MMP20: variants seen among roughly 807,000 people sequenced by gnomAD.
The protein encoded by MMP20 is matrix metalloproteinase-20.
Under a neutral mutation model 51.8 loss-of-function variants are expected in MMP20, and 50 were observed. The observed-to-expected ratio is 0.97, with a 90% CI of 0.77 to 1.22. The LOEUF (loss-of-function observed/expected upper bound fraction) is 1.22. MMP20 is among the 50% of genes most tolerant of loss of function. MMP20 has a pLI of 0.00. For synonymous variants in MMP20, 244 were observed against 216.2 expected, an observed-to-expected ratio of 1.13 and a Z score of -1.13; for missense variants, 663 against 601.4, an observed-to-expected ratio of 1.10 and a Z score of -1.07.
At chr11:102,592,042 C>T (rs1475995082) in intron 8 of MMP20, among the ~76,000 whole-genome samples, 1 of 152,186 alleles carries the variant, frequency 6.6e-6, no homozygotes, top group African/African-American at 2.4e-5. Flanking sequence ...TAAACGCCCT[C>T]ATACTCCAAC....
intron 6 of MMP20, among the ~76,000 whole-genome samples, chr11:102,602,431 C>G (rs1390986362): frequency 6.6e-6 from 1 of 152,074 alleles, no homozygotes; most frequent in African/African-American, 2.4e-5. Context: ...TGAACATCCT[C>G]CTCTTTGTGG....
At chr11:102,610,913 G>T (rs192936679) in intron 3 of MMP20, among the ~76,000 whole-genome samples, 2 of 152,284 alleles carry the variant, frequency 1.3e-5, no homozygotes, top group African/African-American at 4.8e-5. Context: ...CAGACTGTAA[G>T]CTTGAAAGAT....
rs1471243885 is a variant in MMP20 at position 102,579,209 on chromosome 11, A to G, written c.1248-67T>C. ...TTTTACTGGTTGTAGATGACACTAT[A>G]CTGGTCAGGCATATGGACACATAAC... On this transcript the variant is annotated intron_variant, in intron 8 of 9. Coordinates refer to ENST00000260228, the MANE Select transcript of MMP20 (RefSeq NM_004771.4). The G allele has an allele frequency of 1.3e-5, 14 of 1,085,502 alleles. No individual in the cohort carries two copies. In the Admixed American group the frequency reaches 2.6e-4, roughly 20 times the overall value. The allele number at this position is 1,085,502 out of a possible 1,614,324, so 67.2% of individuals were successfully genotyped here. A position where few individuals can be genotyped will look rare whatever the true frequency, so the allele number is the denominator to read the frequency against.
At chr11:102,577,879 T>A (rs1435405738) in intron 9 of MMP20, among the ~76,000 whole-genome samples, 1 of 152,234 alleles carries the variant, frequency 6.6e-6, no homozygotes, top group African/African-American at 2.4e-5. Flanking sequence ...GACTCAACAC[T>A]AAATTATAGA....
At chr11:102,595,582 G>A (rs1387754942) in intron 6 of MMP20, among the ~76,000 whole-genome samples, 2 of 152,172 alleles carry the variant, frequency 1.3e-5, no homozygotes, top group South Asian at 2.1e-4. Context: ...TAAAAATAGC[G>A]AAAACATTAA....
rs546382941 is a variant in MMP20 at position 102,609,461 on chromosome 11, G to A, written c.650-363C>T. On this transcript the variant is annotated intron_variant, in intron 4 of 9. Transcript: ENST00000260228. ...GCCTTAATAGTTCCCTGCTATTACA[G>A]CCTACACCTTTTGATCCACACGTTT... Among the ~76,000 whole-genome samples, 268 of 152,156 alleles carry A rather than the reference G, an allele frequency of 1.8e-3. 2 individuals are homozygous for A. The highest frequency in any genetic ancestry group is 3.0e-3 in the Non-Finnish European group (202 of 67,996).
intron 1 of MMP20, among the ~76,000 whole-genome samples, chr11:102,621,436 G>A (rs772617795): frequency 6.6e-6 from 1 of 152,186 alleles, no homozygotes; most frequent in Non-Finnish European, 1.5e-5. Flanking sequence ...ACACGCTTGG[G>A]CAATTCTTTT....
chr11:102,610,423 G>A (rs1382494058), intron 3 of MMP20, among the ~76,000 whole-genome samples: 3 of 152,102 alleles, frequency 2.0e-5, no homozygotes, highest in African/African-American at 7.2e-5. Flanking sequence ...ATTGGAATGT[G>A]AACCTGTTAG....
Position 102,593,306 on chromosome 11 carries a change from G to C in MMP20, c.1247+133C>G, listed in dbSNP as rs779915722. ...GAAGACAGTCAACCATCTGTAAATC[G>C]CACCCCAGTGGCCGAGAAGAGTCAA... is the stretch of plus-strand genomic sequence containing the variant. On this transcript the variant is annotated intron_variant, in intron 8 of 9. Transcript: ENST00000260228. The C allele has an allele frequency of 4.1e-5, 32 of 772,910 alleles. No individual in the cohort carries two copies. In the East Asian group the frequency reaches 5.9e-4, roughly 14 times the overall value. 47.9% of individuals were successfully genotyped at this position (772,910 alleles called of 1,614,324 possible).
At chr11:102,600,354 TC>T (rs1859430980) in intron 6 of MMP20, among the ~76,000 whole-genome samples, 2 of 152,196 alleles carry the variant, frequency 1.3e-5, no homozygotes, top group African/African-American at 2.4e-5. Context: ...CATGAACAGT[TC>T]CCTCTTTGAA....
chr11:102,622,389 T>G (rs1859762273), intron 1 of MMP20, among the ~76,000 whole-genome samples: 1 of 152,198 alleles, frequency 6.6e-6, no homozygotes, highest in Non-Finnish European at 1.5e-5. Flanking sequence ...TGGGACCCTC[T>G]TTCCTGACCT....
At chr11:102,585,372 G>C (rs1267843240) in intron 8 of MMP20, among the ~76,000 whole-genome samples, 1 of 152,028 alleles carries the variant, frequency 6.6e-6, no homozygotes, top group Non-Finnish European at 1.5e-5. Flanking sequence ...TGCTATTCCA[G>C]TTGGAATTGC....
chr11:102,601,501 T>C (rs2509018), intron 6 of MMP20, among the ~76,000 whole-genome samples: 77,302 of 151,516 alleles, frequency 0.51, 20,309 homozygotes, highest in South Asian at 0.66. Flanking sequence ...CCTTTTCTTC[T>C]ATTTCCTAGG....
At chr11:102,587,780 G>T (rs1180899038) in intron 8 of MMP20, among the ~76,000 whole-genome samples, 1 of 152,086 alleles carries the variant, frequency 6.6e-6, no homozygotes, top group South Asian at 2.1e-4. Flanking sequence ...TCTTATGGTT[G>T]CTATTTGCAT....
At position 102,577,390 on chromosome 11, in the gene MMP20, T is replaced by C; in HGVS notation, c.1388A>G (p.Lys463Arg). 1 of 1,614,032 alleles carries C rather than the reference T, an allele frequency of 6.2e-7. No individual in the cohort carries two copies. Among genetic ancestry groups the C allele is most frequent in the Non-Finnish European group, 8.5e-7 (1 of 1,179,916 alleles). ...IYFFSGPKTY[K>R]YDTEKEDVVS... ...CACATCTTCCTTCTCTGTGTCATAC[T>C]TGTATGTTTTTGGTCCTGAAAAGAA... The change falls in exon 10 of 10, where the codon AAG becomes AGG. Residue 463 changes from lysine to arginine, a missense_variant. Lys to Arg is a conservative substitution (Grantham distance 26, BLOSUM62 2). Transcript: ENST00000260228.
At chr11:102,606,910 G>T in intron 5 of MMP20, 1 of 529,770 alleles carries the variant, frequency 1.9e-6, no homozygotes. Context: ...TAAAAGGGAG[G>T]GATAATAATA....
intron 8 of MMP20, among the ~76,000 whole-genome samples, chr11:102,584,117 T>C (rs961115862): frequency 6.6e-6 from 1 of 152,222 alleles, no homozygotes; most frequent in African/African-American, 2.4e-5. Flanking sequence ...TGTGGACTTA[T>C]GTTTTTACTT....
At chr11:102,602,136 T>A (rs948817596) in intron 6 of MMP20, among the ~76,000 whole-genome samples, 1 of 128,792 alleles carries the variant, frequency 7.8e-6, no homozygotes, top group African/African-American at 2.9e-5. Context: ...TTTTTTTTTT[T>A]TTTTTGTATT....
intron 8 of MMP20, among the ~76,000 whole-genome samples, chr11:102,580,870 C>G (rs928998219): frequency 6.6e-6 from 1 of 152,172 alleles, no homozygotes; most frequent in African/African-American, 2.4e-5. Context: ...TGTTTTTATG[C>G]TGACACAGAC....
Sources: gnomAD v4.1 joint callset for allele counts (sites outside exome capture counted in the v4.1 genomes callset) on GRCh38, gnomAD v4.1.1 for gene constraint, MANE v1.5 for transcripts, NCBI Gene and HGNC (gene_info 2026-07-23, HGNC 2026-07-21) for gene names.